The following ITGB2 variants were observed in gnomAD, a reference collection of about 807,000 sequenced individuals.
ITGB2 encodes the protein integrin beta-2.
In ITGB2, 56 loss-of-function variants were observed where a neutral mutation model predicts 86.8. The ratio of observed to expected loss-of-function variants is 0.65; its 90% CI spans 0.52 to 0.81. The LOEUF is 0.81. ITGB2 is among the 30% of genes least tolerant of loss of function. ITGB2 has a pLI of 0.00. For missense variants in ITGB2, 948 were observed against 1,061.2 expected, an observed-to-expected ratio of 0.89 and a Z score of 1.48; for synonymous variants, 457 against 450.4, an observed-to-expected ratio of 1.01 and a Z score of -0.19.
intron 8 of ITGB2, 143 bp downstream of exon 8, chr21:44,898,923 TA>T (rs2083907094): frequency 4.1e-6 from 3 of 733,306 alleles, no homozygotes; most frequent in Middle Eastern, 2.6e-4. Flanking sequence ...GCTCCTCACC[TA>T]GGGGGATCCA....
chr21:44,903,252 G>C, intron 5 of ITGB2, 113 bp downstream of exon 5: 1 of 1,367,054 alleles, frequency 7.3e-7, no homozygotes, highest in Non-Finnish European at 1.0e-6. Context: ...CTGCATCTGG[G>C]GCCCCCAGAT....
At chr21:44,900,097 C>T (rs574239097) in intron 7 of ITGB2, among the ~76,000 whole-genome samples, 12 of 152,318 alleles carry the variant, frequency 7.9e-5, no homozygotes, top group East Asian at 3.9e-4. Flanking sequence ...CCCACAAGGG[C>T]GAGGCCGGGC....
intron 5 of ITGB2, among the ~76,000 whole-genome samples, chr21:44,902,786 A>G (rs1399690535): frequency 6.6e-6 from 1 of 151,944 alleles, no homozygotes; most frequent in African/African-American, 2.4e-5. Context: ...GTGAGCGTGC[A>G]TTTGTGTGAG....
chr21:44,889,443 G>T lies in ITGB2; in HGVS notation c.1710C>A (p.Gly570=), dbSNP rs766014139. 1.2e-6 allele frequency: 2 copies of T among 1,603,798 alleles called. No homozygotes were observed. Among genetic ancestry groups the T allele is most frequent in the African/African-American group, 1.3e-5 (1 of 74,602 alleles). ...TGGTCCTCTCGCACTGGCACGCTGAGCCCTCAAAGCCCGGGTGGCAGCGGC... is the reference window on the plus strand; with the variant it reads ...TGGTCCTCTCGCACTGGCACGCTGATCCCTCAAAGCCCGGGTGGCAGCGGC... The part of the protein sequence containing the change: ...GKCRCHPGFE[G]SACQCERTTE... The change falls in exon 13 of 16, where the codon GGC becomes GGA. Residue 570 remains glycine (G), a synonymous_variant. Transcript: ENST00000652462.
chr21:44,893,373 C>T, intron 10 of ITGB2, 31 bp downstream of exon 10: 1 of 1,611,870 alleles, frequency 6.2e-7, no homozygotes, highest in Non-Finnish European at 8.5e-7. Context: ...CCTCAGCAAG[C>T]TGGGATGGGG....
chr21:44,899,916 G>C (rs569764330), intron 7 of ITGB2, among the ~76,000 whole-genome samples: 1 of 152,236 alleles, frequency 6.6e-6, no homozygotes, highest in African/African-American at 2.4e-5. Context: ...AGCAGGGAAC[G>C]TACAGTGGAG....
At chr21:44,926,582 G>A (rs2084376357) in intron 1 of ITGB2, among the ~76,000 whole-genome samples, 1 of 152,178 alleles carries the variant, frequency 6.6e-6, no homozygotes, top group Admixed American at 6.5e-5. Context: ...TTGATCCCAA[G>A]CTAGGACTGA....
intron 11 of ITGB2, among the ~76,000 whole-genome samples, chr21:44,891,462 G>A (rs1257503340): frequency 6.6e-6 from 1 of 152,218 alleles, no homozygotes; most frequent in Admixed American, 6.5e-5. Flanking sequence ...CAAGGCCATG[G>A]GCACGCCCAG....
intron 8 of ITGB2, among the ~76,000 whole-genome samples, chr21:44,895,711 G>C (rs899469624): frequency 4.0e-5 from 6 of 149,404 alleles, no homozygotes; most frequent in Non-Finnish European, 4.4e-5. Context: ...CGTGGTGGTG[G>C]GCACCTGTAA....
intron 4 of ITGB2, among the ~76,000 whole-genome samples, chr21:44,904,818 C>T (rs1027654988): frequency 2.6e-5 from 4 of 151,686 alleles, no homozygotes; most frequent in African/African-American, 9.7e-5. Context: ...CACATACATA[C>T]CACACACACC....
At chr21:44,896,607 C>T (rs868578161) in intron 8 of ITGB2, among the ~76,000 whole-genome samples, 7 of 152,256 alleles carry the variant, frequency 4.6e-5, no homozygotes, top group Admixed American at 3.9e-4. Context: ...TCTGCGCCCT[C>T]CGCCCACCGC....
chr21:44,910,330 C>T lies in ITGB2; in HGVS notation c.101G>A (p.Arg34Gln), dbSNP rs140032296. ...GCCGGGCCCCGACTCGATGCATTCC[C>T]GGCAGCTGCTGACCTTGAACTTCGT... Reference protein sequence around the residue: ...ECTKFKVSSCRECIESGPGCT... With the variant: ...ECTKFKVSSCQECIESGPGCT... The change falls in exon 3 of 16, where the codon CGG becomes CAG. Residue 34 changes from arginine (R) to glutamine (Q), a missense_variant. By Grantham distance (43) the Arg-to-Gln change is conservative. Coordinates refer to ENST00000652462, the MANE Select transcript of ITGB2 (RefSeq NM_000211.5). 98 of 1,614,044 alleles carry T rather than the reference C, an allele frequency of 6.1e-5. No individual in the cohort carries two copies. The highest frequency in any genetic ancestry group is 1.0e-4 in the Admixed American group (6 of 60,012).
chr21:44,910,073 A>C (rs1178228147), intron 3 of ITGB2, among the ~76,000 whole-genome samples: 1 of 152,248 alleles, frequency 6.6e-6, no homozygotes, highest in Non-Finnish European at 1.5e-5. Flanking sequence ...TGGCTGAGAA[A>C]AAATACAAGT....
intron 14 of ITGB2, among the ~76,000 whole-genome samples, chr21:44,888,060 C>A (rs1171050655): frequency 6.6e-6 from 1 of 151,874 alleles, no homozygotes; most frequent in Non-Finnish European, 1.5e-5. Context: ...TGGGGCTGGG[C>A]CTGGTTCCAA....
rs1054362291 is a variant in ITGB2 at position 44,897,091 on chromosome 21, C to T, written c.993+1976G>A. On this transcript the variant is annotated intron_variant, in intron 8 of 15. Coordinates refer to ENST00000652462, the MANE Select transcript of ITGB2 (RefSeq NM_000211.5). ...GCCTGACCAGCTCTGGGTGCCCACTCGGAGGGTCCCCCAGACACCTGCCCC... is the reference window on the plus strand; with the variant it reads ...GCCTGACCAGCTCTGGGTGCCCACTTGGAGGGTCCCCCAGACACCTGCCCC... Among the ~76,000 whole-genome samples the T allele has an allele frequency of 4.6e-5, 7 of 152,298 alleles. No homozygotes were observed. In the South Asian group the frequency reaches 6.2e-4, roughly 14 times the overall value.
intron 3 of ITGB2, among the ~76,000 whole-genome samples, chr21:44,907,373 A>C (rs1179713881): frequency 6.6e-6 from 1 of 152,198 alleles, no homozygotes; most frequent in Admixed American, 6.5e-5. Flanking sequence ...CTCCAGCCCG[A>C]GGCTGACCCA....
chr21:44,902,304 T>C (rs371045200), intron 5 of ITGB2, among the ~76,000 whole-genome samples: 1 of 152,332 alleles, frequency 6.6e-6, no homozygotes, highest in Non-Finnish European at 1.5e-5. Context: ...TATGACTGTG[T>C]GTGCATGTGT....
chr21:44,898,046 C>T (rs536573180), intron 8 of ITGB2, among the ~76,000 whole-genome samples: 6 of 144,542 alleles, frequency 4.2e-5, no homozygotes, highest in South Asian at 4.4e-4. Context: ...ACATCCTACC[C>T]GATGGGGGTG....
chr21:44,901,619 C>T lies in ITGB2; in HGVS notation c.614G>A (p.Arg205Lys), dbSNP rs368225700. Residue 205 changes from arginine (R) to lysine (K), a missense_variant, in exon 6 of 16, where the codon AGG becomes AAG. Arg to Lys is a conservative substitution (Grantham distance 26). Transcript: ENST00000652462. ...EKECQPPFAFRHVLKLTNNSN... is the reference protein window; with the variant it reads ...EKECQPPFAFKHVLKLTNNSN... ...GTTGTTGGTCAGCTTCAGCACGTGCCTGAAGGCAAACGGGGGCTGGCACTC... is the reference window on the plus strand; with the variant it reads ...GTTGTTGGTCAGCTTCAGCACGTGCTTGAAGGCAAACGGGGGCTGGCACTC... 1 of 1,614,278 alleles carries T rather than the reference C, an allele frequency of 6.2e-7. No homozygotes were observed. Among genetic ancestry groups the T allele is most frequent in the Non-Finnish European group, 8.5e-7 (1 of 1,180,050 alleles).
Sources: gnomAD v4.1 joint callset for allele counts (sites outside exome capture counted in the v4.1 genomes callset) on GRCh38, gnomAD v4.1.1 for gene constraint, MANE v1.5 for transcripts, NCBI Gene and HGNC (gene_info 2026-07-23, HGNC 2026-07-21) for gene names.